Variants in TBX20 observed in about 807,000 individuals in gnomAD.
TBX20 encodes the protein T-box transcription factor TBX20.
In TBX20, 8 loss-of-function variants were observed where a neutral mutation model predicts 42.9. The ratio of observed to expected loss-of-function variants is 0.19; its 90% confidence interval spans 0.11 to 0.34. TBX20 has a LOEUF of 0.34. Ranked by LOEUF, TBX20 falls within the 10% of genes least tolerant of loss-of-function variation. TBX20 has a pLI of 1.00. For synonymous variants in TBX20, 198 were observed against 222.8 expected, an observed-to-expected ratio of 0.89 and a Z score of 0.99; for missense variants, 411 against 566.0, an observed-to-expected ratio of 0.73 and a Z score of 2.78.
intron 5 of TBX20, among the ~76,000 whole-genome samples, chr7:35,233,093 C>T (rs557266425): frequency 6.6e-6 from 1 of 152,348 alleles, no homozygotes; most frequent in African/African-American, 2.4e-5. Flanking sequence ...ATCTATAGAA[C>T]ACTTTAAACT....
intron 6 of TBX20, among the ~76,000 whole-genome samples, chr7:35,208,275 C>T (rs1789433506): frequency 6.6e-6 from 1 of 152,146 alleles, no homozygotes; most frequent in Non-Finnish European, 1.5e-5. Flanking sequence ...ATTCTGTGAA[C>T]TTGCCAAACA....
intron 6 of TBX20, among the ~76,000 whole-genome samples, chr7:35,213,959 G>C (rs746843742): frequency 2.7e-4 from 41 of 149,980 alleles, no homozygotes; most frequent in Admixed American, 1.7e-3. Flanking sequence ...GGTGAAAAGT[G>C]GGGGAGAGAA....
At chr7:35,242,568 C>A (rs1339132930) in intron 4 of TBX20, among the ~76,000 whole-genome samples, 3 of 151,896 alleles carry the variant, frequency 2.0e-5, no homozygotes, top group Non-Finnish European at 4.4e-5. Flanking sequence ...CAAATCACAC[C>A]CACCCACCCA....
chr7:35,216,387 C>T (rs751824001), intron 6 of TBX20, among the ~76,000 whole-genome samples: 3 of 152,128 alleles, frequency 2.0e-5, no homozygotes, highest in Non-Finnish European at 2.9e-5. Context: ...AGCTACTTGC[C>T]AGCTGTGTGC....
At position 35,245,048 on chromosome 7, in the gene TBX20, C is replaced by T. The variant is rs1424241927; in HGVS notation, c.555G>A (p.Val185=). Reference sequence around the variant, plus strand: ...CACCGGTAAAAGGAGAATCTGGATGCACATAGAGCCTAAGAAAATTAGGAG... The same window carrying T: ...CACCGGTAAAAGGAGAATCTGGATGTACATAGAGCCTAAGAAAATTAGGAG... ...ADPPLPARLY[V]HPDSPFTGEQ... The change falls in exon 4 of 8, where the codon GTG becomes GTA. Residue 185 remains valine, a synonymous_variant. Coordinates refer to ENST00000408931, the MANE Select transcript of TBX20 (RefSeq NM_001077653.2). The T allele has an allele frequency of 1.2e-6, 2 of 1,611,668 alleles. No homozygotes were observed. Among genetic ancestry groups the T allele is most frequent in the Non-Finnish European group, 1.7e-6 (2 of 1,178,084 alleles).
chr7:35,225,468 T>C (rs191086207), intron 6 of TBX20, among the ~76,000 whole-genome samples: 261 of 152,352 alleles, frequency 1.7e-3, no homozygotes, highest in African/African-American at 6.1e-3. Flanking sequence ...GTTTGCACAC[T>C]AAACAGTATT....
chr7:35,250,258 C>T (rs1790280042), intron 1 of TBX20, 55 bp from the exon 2 acceptor site: 1 of 1,543,232 alleles, frequency 6.5e-7, no homozygotes. Flanking sequence ...AAGGAAAGAT[C>T]TGGAAAGAAC....
At chr7:35,218,214 C>T (rs116943680) in intron 6 of TBX20, among the ~76,000 whole-genome samples, 7,364 of 152,154 alleles carry the variant, frequency 0.048, 271 homozygotes, top group Non-Finnish European at 0.067. Flanking sequence ...AAAACAAAGA[C>T]GTGGTGGAAT....
At position 35,235,978 on chromosome 7, in the gene TBX20, G is replaced by A. The variant is rs995427626; in HGVS notation, c.814-4398C>T. Among the ~76,000 whole-genome samples, 9 of 151,994 alleles carry A rather than the reference G, an allele frequency of 5.9e-5. 1 individual carries two copies. Among genetic ancestry groups the A allele is most frequent in the Admixed American group, 1.3e-4 (2 of 15,254 alleles). On this transcript the variant is annotated intron_variant, in intron 5 of 7. Transcript: ENST00000408931. ...CCTACACTTCAACTCTACAGCAATG[G>A]TCTGCCTGCTCAAAAACAATGCATG...
At chr7:35,213,873 A>G (rs1283454499) in intron 6 of TBX20, among the ~76,000 whole-genome samples, 1 of 120,798 alleles carries the variant, frequency 8.3e-6, no homozygotes, top group Non-Finnish European at 1.8e-5. Context: ...AATTGCAGAG[A>G]TAGCAAAAAA....
chr7:35,234,344 T>C (rs1789921972), intron 5 of TBX20, among the ~76,000 whole-genome samples: 1 of 152,216 alleles, frequency 6.6e-6, no homozygotes, highest in South Asian at 2.1e-4. Flanking sequence ...GCTCATAATA[T>C]GATTGAGAAG....
At chr7:35,234,505 C>A (rs1382812287) in intron 5 of TBX20, among the ~76,000 whole-genome samples, 1 of 152,114 alleles carries the variant, frequency 6.6e-6, no homozygotes, top group Non-Finnish European at 1.5e-5. Flanking sequence ...CAAATGTCTT[C>A]GAATTTTCTC....
At chr7:35,207,143 G>A (rs1385084928) in intron 6 of TBX20, among the ~76,000 whole-genome samples, 3 of 152,174 alleles carry the variant, frequency 2.0e-5, no homozygotes, top group Non-Finnish European at 2.9e-5. Context: ...CAGTGTATGA[G>A]AACTCCAGGT....
intron 3 of TBX20, among the ~76,000 whole-genome samples, chr7:35,245,319 G>GGTGTGTGTGTGTGTGT (rs61706700): frequency 0.013 from 1,863 of 146,468 alleles, 31 homozygotes; most frequent in East Asian, 0.063. Flanking sequence ...TGTTTAAAGG[G>GGTGTGTGTGTGTGTGT]GTGTGTGTGT....
chr7:35,243,841 G>A (rs7795344), intron 4 of TBX20, among the ~76,000 whole-genome samples: 3 of 151,964 alleles, frequency 2.0e-5, no homozygotes, highest in African/African-American at 7.3e-5. Context: ...AGTTAAGTGG[G>A]TACCCTGACT....
intron 3 of TBX20, among the ~76,000 whole-genome samples, chr7:35,248,211 G>T (rs1790231594): frequency 6.6e-6 from 1 of 152,070 alleles, no homozygotes; most frequent in Non-Finnish European, 1.5e-5. Flanking sequence ...CCTAAATGTT[G>T]TTTATTATAT....
intron 1 of TBX20, among the ~76,000 whole-genome samples, chr7:35,251,570 G>T (rs1790306364): frequency 1.3e-5 from 2 of 152,170 alleles, no homozygotes; most frequent in African/African-American, 4.8e-5. Flanking sequence ...TTAAGAAGTA[G>T]TGTTAATGAC....
Position 35,249,933 on chromosome 7 carries a change from C to T in TBX20, c.380+18G>A, listed in dbSNP as rs1726154759. ...CTGACTCTCCACCCCCAACCCCCAACCCCCAAGTCCCAACTACCTGCCCGA... is the reference window on the plus strand; with the variant it reads ...CTGACTCTCCACCCCCAACCCCCAATCCCCAAGTCCCAACTACCTGCCCGA... On this transcript the variant is annotated intron_variant, in intron 2 of 7. Transcript: ENST00000408931. The surrounding 1 kb of genome is among the most constrained non-coding windows in gnomAD (Gnocchi z 4.3). 1 of 1,591,160 alleles carries T rather than the reference C, an allele frequency of 6.3e-7. No individual in the cohort carries two copies. The highest frequency in any genetic ancestry group is 1.3e-5 in the African/African-American group (1 of 74,742).
chr7:35,220,070 G>A (rs1789654587), intron 6 of TBX20, among the ~76,000 whole-genome samples: 2 of 152,150 alleles, frequency 1.3e-5, no homozygotes, highest in Admixed American at 1.3e-4. Flanking sequence ...AAATGAGGGA[G>A]GGTGCCAACT....
Sources: gnomAD v4.1 joint callset for allele counts (sites outside exome capture counted in the v4.1 genomes callset) on GRCh38, gnomAD v4.1.1 for gene constraint, Gnocchi (gnomAD v3.1) non-coding constraint, MANE v1.5 for transcripts, NCBI Gene and HGNC (gene_info 2026-07-23, HGNC 2026-07-21) for gene names.